PTH2R: variants seen among roughly 807,000 people sequenced by gnomAD.
PTH2R encodes the protein parathyroid hormone 2 receptor, also known as PTH2 receptor.
A neutral mutation model predicts 60.3 loss-of-function variants in PTH2R; 59 were observed. That is an observed-to-expected ratio of 0.98 (90% CI 0.79 to 1.22). PTH2R has a LOEUF of 1.22. Among genes scored for constraint, PTH2R ranks in the 50% most tolerant of loss-of-function variants. The pLI is 0.00. For missense variants in PTH2R, 749 were observed against 682.6 expected (o/e 1.10, Z -1.08); for synonymous variants, 256 against 243.8 (o/e 1.05, Z -0.47).
At chr2:208,461,824 T>C (rs1702640351) in intron 9 of PTH2R, among the ~76,000 whole-genome samples, 1 of 152,228 alleles carries the variant, frequency 6.6e-6, no homozygotes, top group Non-Finnish European at 1.5e-5. Context: ...TTCTGAGATT[T>C]GTAACTTGTA....
At chr2:208,479,931 G>A (rs1233335829) in intron 9 of PTH2R, among the ~76,000 whole-genome samples, 3 of 152,116 alleles carry the variant, frequency 2.0e-5, no homozygotes, top group East Asian at 1.9e-4. Flanking sequence ...AGCTATTATC[G>A]GCCTGGAAAC....
At chr2:208,407,447 A>G (rs1374139171) in intron 1 of PTH2R, among the ~76,000 whole-genome samples, 1 of 152,196 alleles carries the variant, frequency 6.6e-6, no homozygotes, top group Admixed American at 6.5e-5. Flanking sequence ...TCTTACTCTT[A>G]AACTCCGTGG....
intron 4 of PTH2R, among the ~76,000 whole-genome samples, chr2:208,439,471 A>G (rs1195130356): frequency 6.6e-6 from 1 of 152,052 alleles, no homozygotes; most frequent in Non-Finnish European, 1.5e-5. Context: ...GGGCAAAATG[A>G]TATTACTTAT....
chr2:208,413,128 G>GT (rs1427382264), intron 1 of PTH2R, among the ~76,000 whole-genome samples: 6 of 123,214 alleles, frequency 4.9e-5, no homozygotes, highest in Non-Finnish European at 8.4e-5. Context: ...ATCTTTATTT[G>GT]TTTAAAAAGT....
chr2:208,384,211 A>G (rs969371622), intron 1 of PTH2R, among the ~76,000 whole-genome samples: 1 of 152,162 alleles, frequency 6.6e-6, no homozygotes, highest in Admixed American at 6.5e-5. Flanking sequence ...TTCCGGGTGA[A>G]GGTGAGGATT....
intron 2 of PTH2R, 140 bp downstream of exon 2, chr2:208,428,443 C>G: frequency 1.6e-6 from 1 of 607,472 alleles, no homozygotes; most frequent in Non-Finnish European, 2.9e-6. Flanking sequence ...TGCAGCAGAA[C>G]AACAACACTC....
At chr2:208,401,634 C>A (rs2105824577) in intron 1 of PTH2R, among the ~76,000 whole-genome samples, 1 of 152,176 alleles carries the variant, frequency 6.6e-6, no homozygotes, top group East Asian at 1.9e-4. Context: ...GTTTTAGAAT[C>A]CCTCCTGTTC....
At chr2:208,476,977 C>T (rs1010983331) in intron 9 of PTH2R, among the ~76,000 whole-genome samples, 2 of 152,160 alleles carry the variant, frequency 1.3e-5, no homozygotes, top group Non-Finnish European at 2.9e-5. Context: ...ATTTTGACTT[C>T]TTTAAATGAT....
chr2:208,411,941 A>G (rs1480539366), intron 1 of PTH2R, among the ~76,000 whole-genome samples: 2 of 152,170 alleles, frequency 1.3e-5, no homozygotes, highest in African/African-American at 4.8e-5. Context: ...TTATTAGCAG[A>G]TGAGTTAAGT....
chr2:208,362,049 C>A (rs933808100), intron 1 of PTH2R, among the ~76,000 whole-genome samples: 4 of 152,144 alleles, frequency 2.6e-5, no homozygotes, highest in Non-Finnish European at 5.9e-5. Context: ...GAGAAAGGAC[C>A]AGTTATCTCC....
chr2:208,411,559 C>T (rs1326488873), intron 1 of PTH2R, among the ~76,000 whole-genome samples: 1 of 152,186 alleles, frequency 6.6e-6, no homozygotes, highest in Non-Finnish European at 1.5e-5. Context: ...TTCATATTCC[C>T]AGAACTTCCT....
intron 6 of PTH2R, among the ~76,000 whole-genome samples, chr2:208,444,425 T>C (rs1211481012): frequency 6.6e-6 from 1 of 152,236 alleles, no homozygotes; most frequent in African/African-American, 2.4e-5. Flanking sequence ...TTTATACTTT[T>C]CTATATGTTC....
intron 10 of PTH2R, among the ~76,000 whole-genome samples, chr2:208,484,527 T>C (rs946710046): frequency 6.6e-6 from 1 of 152,192 alleles, no homozygotes; most frequent in African/African-American, 2.4e-5. Flanking sequence ...AGATGGATAA[T>C]ACATTTTTTT....
At chr2:208,372,219 T>C (rs1161629953) in intron 1 of PTH2R, among the ~76,000 whole-genome samples, 1 of 152,124 alleles carries the variant, frequency 6.6e-6, no homozygotes, top group Non-Finnish European at 1.5e-5. Flanking sequence ...TTGACATTTA[T>C]TAAGTGTTTA....
chr2:208,481,036 C>A, intron 9 of PTH2R, 34 bp from the exon 10 acceptor site: 1 of 1,403,358 alleles, frequency 7.1e-7, no homozygotes, highest in Non-Finnish European at 1.0e-6. Flanking sequence ...TGAAGACTAA[C>A]AATAATTCTT....
At chr2:208,487,132 A>T (rs1392092447) in intron 10 of PTH2R, among the ~76,000 whole-genome samples, 1 of 152,218 alleles carries the variant, frequency 6.6e-6, no homozygotes, top group Non-Finnish European at 1.5e-5. Context: ...GAGGGTTATG[A>T]TAGGAAAGTG....
intron 8 of PTH2R, among the ~76,000 whole-genome samples, chr2:208,454,300 C>A (rs952259833): frequency 6.6e-6 from 1 of 152,088 alleles, no homozygotes; most frequent in Non-Finnish European, 1.5e-5. Context: ...TCCCAAAATT[C>A]ACATGTTAAA....
At chr2:208,493,173 C>T in intron 12 of PTH2R, 91 bp from the exon 13 acceptor site, 2 of 1,281,472 alleles carry the variant, frequency 1.6e-6, no homozygotes, top group Non-Finnish European at 2.1e-6. Context: ...ATGATTATTG[C>T]TGTCATTGAA....
At chr2:208,377,144 C>A (rs1185423032) in intron 1 of PTH2R, among the ~76,000 whole-genome samples, 1 of 152,024 alleles carries the variant, frequency 6.6e-6, no homozygotes, top group Admixed American at 6.5e-5. Context: ...ATCCATTTAA[C>A]CCTGAGTGGA....
Sources: gnomAD v4.1 joint callset for allele counts (sites outside exome capture counted in the v4.1 genomes callset) on GRCh38, gnomAD v4.1.1 for gene constraint, MANE v1.5 for transcripts, NCBI Gene and HGNC (gene_info 2026-07-23, HGNC 2026-07-21) for gene names.